Variants in C14orf93 observed in about 807,000 individuals in gnomAD.
C14orf93 encodes uncharacterized protein C14orf93.
C14orf93 carries 23 observed loss-of-function variants against 44.0 expected under a neutral mutation model. The observed-to-expected ratio is 0.52, with a 90% CI of 0.38 to 0.74. The LOEUF is 0.74. C14orf93 is among the 30% of genes least tolerant of loss of function. The probability of loss-of-function intolerance (pLI) is 0.00; values close to 1 mark genes in which losing one functional copy is unlikely to be tolerated. For synonymous variants in C14orf93, 253 were observed against 265.7 expected (o/e 0.95, Z 0.46); for missense variants, 579 against 678.9 (o/e 0.85, Z 1.64).
intron 3 of C14orf93, among the ~76,000 whole-genome samples, chr14:22,990,414 C>T (rs1193954400): frequency 3.9e-5 from 6 of 152,070 alleles, no homozygotes; most frequent in Non-Finnish European, 7.4e-5. Flanking sequence ...CTGATAGCAA[C>T]GAGAAAGCAA....
chr14:23,003,522 C>T (rs150201457), intron 1 of C14orf93, among the ~76,000 whole-genome samples: 1,913 of 152,040 alleles, frequency 0.013, 17 homozygotes, highest in Middle Eastern at 0.034. Context: ...AGGCACGTGG[C>T]TTACGCCTAT....
chr14:23,008,460 T>C (rs938157764), intron 1 of C14orf93, among the ~76,000 whole-genome samples: 2 of 152,214 alleles, frequency 1.3e-5, no homozygotes, highest in Admixed American at 6.5e-5. Flanking sequence ...AGCTGTGTAA[T>C]AGAAATGCAT....
At chr14:23,006,291 G>A (rs531456486) in intron 1 of C14orf93, 2 of 152,160 alleles carry the variant, frequency 1.3e-5, no homozygotes, top group Non-Finnish European at 2.9e-5. Context: ...TATCACACAA[G>A]AGCAGCTAAG....
At chr14:22,988,865 A>G (rs1311158401) in intron 5 of C14orf93, among the ~76,000 whole-genome samples, 3 of 152,020 alleles carry the variant, frequency 2.0e-5, no homozygotes, top group African/African-American at 7.2e-5. Context: ...AGGCAGGAGG[A>G]TTGCTTGAGC....
chr14:22,992,093 C>T (rs1288691134), intron 3 of C14orf93, among the ~76,000 whole-genome samples: 1 of 152,188 alleles, frequency 6.6e-6, no homozygotes, highest in African/African-American at 2.4e-5. Context: ...GCTGTCTTTC[C>T]ACTTTGTTTA....
intron 1 of C14orf93, chr14:23,007,159 C>T (rs1231588537): frequency 2.0e-5 from 3 of 152,244 alleles, no homozygotes; most frequent in Non-Finnish European, 4.4e-5. Context: ...GGCTACCGCG[C>T]GCACGCGGGG....
At position 22,987,810 on chromosome 14, in the gene C14orf93, C is replaced by A; in HGVS notation, c.1197+93G>T. On this transcript the variant is annotated intron_variant, in intron 6 of 6. Transcript: ENST00000299088. This position sits in a 1 kb window ranked among gnomAD's most constrained non-coding sequence, Gnocchi z 5.6. ...TCTATCTTCCTACATTCCTGGCTCT[C>A]AACCCTATTCTCATATGCCATGTCC... The A allele has an allele frequency of 1.6e-6, 2 of 1,251,524 alleles. No homozygotes were observed. The highest frequency in any genetic ancestry group is 1.4e-5 in the South Asian group (1 of 71,294). The allele number at this position is 1,251,524 out of a possible 1,614,324, so 77.5% of individuals were successfully genotyped here.
At chr14:23,009,598 T>C (rs1372718224) in intron 1 of C14orf93, among the ~76,000 whole-genome samples, 1 of 152,176 alleles carries the variant, frequency 6.6e-6, no homozygotes, top group Non-Finnish European at 1.5e-5. Context: ...TATCCCAATA[T>C]TAACTTATTG....
At chr14:22,995,843 A>T in intron 3 of C14orf93, 105 bp downstream of exon 3, 1 of 1,073,098 alleles carries the variant, frequency 9.3e-7, no homozygotes, top group East Asian at 2.6e-5. Context: ...GGTAGGATTC[A>T]GTACAGCATT....
At chr14:22,997,803 C>T (rs537987849) in intron 2 of C14orf93, among the ~76,000 whole-genome samples, 51 of 152,048 alleles carry the variant, frequency 3.4e-4, no homozygotes, top group Non-Finnish European at 3.7e-4. Context: ...CTTTCCTCTA[C>T]CTCCCCCTCG....
chr14:22,989,669 C>T, intron 5 of C14orf93, 73 bp downstream of exon 5: 1 of 1,109,282 alleles, frequency 9.0e-7, no homozygotes, highest in Non-Finnish European at 1.4e-6. Flanking sequence ...TCCTCTTCTC[C>T]TCTGACCAAG....
At chr14:22,994,403 C>T (rs1374821343) in intron 3 of C14orf93, among the ~76,000 whole-genome samples, 2 of 152,036 alleles carry the variant, frequency 1.3e-5, no homozygotes, top group African/African-American at 2.4e-5. Flanking sequence ...CCCAACTACT[C>T]GGGAGGGTGA....
intron 5 of C14orf93, 50 bp from the exon 6 acceptor site, chr14:22,988,065 G>A (rs766052264): frequency 3.7e-6 from 5 of 1,334,432 alleles, no homozygotes; most frequent in East Asian, 2.3e-5. Context: ...TCTGAGTAGT[G>A]GTCCCCAGCC....
chr14:22,997,968 C>T lies in C14orf93; in HGVS notation c.597+459G>A, dbSNP rs55767291. On this transcript the variant is annotated intron_variant, in intron 2 of 6. Transcript: ENST00000299088. ...TATACTTGTCTTCTATTATCTTTAT[C>T]TTTGTCCTCTCACTTTTTCCTCCTC... 8.9e-3 allele frequency: 1,387 copies of T among 155,434 alleles called. 16 individuals carry two copies. Among genetic ancestry groups the T allele is most frequent in the African/African-American group, 0.032 (1,317 of 41,572 alleles). 9.6% of individuals were successfully genotyped at this position (155,434 alleles called of 1,614,324 possible).
Position 23,002,958 on chromosome 14 carries a change from T to C in C14orf93, c.-379-3556A>G, listed in dbSNP as rs189705939. On this transcript the variant is annotated intron_variant, in intron 1 of 6. Coordinates refer to ENST00000299088, the MANE Select transcript of C14orf93 (RefSeq NM_021944.4). ...TCTAACAAACAACACATTCCTCAAGTCTATGAGGATGCATTTATAGATACA... is the reference window on the plus strand; with the variant it reads ...TCTAACAAACAACACATTCCTCAAGCCTATGAGGATGCATTTATAGATACA... Among the ~76,000 whole-genome samples the C allele has an allele frequency of 1.3e-4, 20 of 152,308 alleles. No homozygotes were observed. The East Asian group carries it at 3.9e-3, about 29-fold the overall frequency.
chr14:22,996,983 GCACACACACACACACA>G lies in C14orf93; in HGVS notation c.598-731_598-716del, dbSNP rs200829885. 3.2e-5 allele frequency among the ~76,000 whole-genome samples: 2 copies of G among 62,534 alleles called. No homozygotes were observed. Among genetic ancestry groups the G allele is most frequent in the Admixed American group, 1.7e-4 (1 of 5,842 alleles). The allele number at this position is 62,534 out of a possible 152,430, so 41.0% of individuals were successfully genotyped here. ...TGAAAGTGGGGACACACACGCACAC[GCACACACACACACACA>G]CACACACACACAGAAAGATGCGGGG... On this transcript the variant is annotated intron_variant, in intron 2 of 6. Transcript: ENST00000299088. The surrounding 1 kb of genome is among the most constrained non-coding windows in gnomAD (Gnocchi z 4.1).
chr14:23,003,879 TA>T (rs1566696762), intron 1 of C14orf93, among the ~76,000 whole-genome samples: 13 of 16,196 alleles, frequency 8.0e-4, no homozygotes, highest in Non-Finnish European at 1.2e-3. Context: ...TATATATATA[TA>T]TATATATATA....
intron 3 of C14orf93, among the ~76,000 whole-genome samples, chr14:22,991,716 GCAC>G (rs1470976380): frequency 2.0e-5 from 3 of 151,410 alleles, no homozygotes; most frequent in Non-Finnish European, 2.9e-5. Flanking sequence ...GACTACAGGT[GCAC>G]CACCACCACA....
At chr14:22,997,652 CA>C in intron 2 of C14orf93, among the ~76,000 whole-genome samples, 1 of 152,304 alleles carries the variant, frequency 6.6e-6, no homozygotes, top group South Asian at 2.1e-4. Context: ...TGAAATAGCA[CA>C]ATGTACATCT....
Sources: gnomAD v4.1 joint callset for allele counts (sites outside exome capture counted in the v4.1 genomes callset) on GRCh38, gnomAD v4.1.1 for gene constraint, Gnocchi (gnomAD v3.1) non-coding constraint, MANE v1.5 for transcripts, NCBI Gene and HGNC (gene_info 2026-07-23, HGNC 2026-07-21) for gene names.